ABCC5: variants seen among roughly 807,000 people sequenced by gnomAD.
ABCC5 encodes ATP-binding cassette sub-family C member 5.
Under a neutral mutation model 160.9 loss-of-function variants are expected in ABCC5, and 61 were observed. The ratio of observed to expected loss-of-function variants is 0.38; its 90% CI spans 0.31 to 0.47. The LOEUF (loss-of-function observed/expected upper bound fraction) is 0.47. Ranked by LOEUF, ABCC5 falls within the 20% of genes least tolerant of loss-of-function variation. The pLI is 0.99. For synonymous variants in ABCC5, 666 were observed against 700.6 expected (o/e 0.95, Z 0.78); for missense variants, 1,308 against 1,813.3 (o/e 0.72, Z 5.06).
chr3:183,924,996 G>A (rs1366134498), intron 29 of ABCC5, among the ~76,000 whole-genome samples: 6 of 152,208 alleles, frequency 3.9e-5, no homozygotes, highest in African/African-American at 9.7e-5. Flanking sequence ...ATAGCCAACC[G>A]CACCTGCAAA....
At chr3:184,006,739 T>A (rs555526162) in intron 2 of ABCC5, among the ~76,000 whole-genome samples, 2 of 152,102 alleles carry the variant, frequency 1.3e-5, no homozygotes, top group Non-Finnish European at 2.9e-5. Flanking sequence ...ACATCTTTGA[T>A]CCCTAAGATA....
intron 10 of ABCC5, among the ~76,000 whole-genome samples, chr3:183,972,999 T>C (rs1717900380): frequency 6.6e-6 from 1 of 150,642 alleles, no homozygotes; most frequent in Non-Finnish European, 1.5e-5. Flanking sequence ...TGTAAAACAC[T>C]GATCACAATA....
intron 2 of ABCC5, among the ~76,000 whole-genome samples, chr3:184,002,030 C>G (rs1720783779): frequency 6.6e-6 from 1 of 152,116 alleles, no homozygotes; most frequent in East Asian, 1.9e-4. Context: ...GACTAGGATA[C>G]TCAGCATTTT....
At chr3:183,953,029 A>G in intron 18 of ABCC5, 57 bp downstream of exon 18, 1 of 1,512,212 alleles carries the variant, frequency 6.6e-7, no homozygotes, top group Non-Finnish European at 9.0e-7. Context: ...GCCAGGGAAT[A>G]GGGAGAAACG....
chr3:183,985,586 CT>C (rs1576899987), intron 5 of ABCC5: 1 of 669,990 alleles, frequency 1.5e-6, no homozygotes, highest in East Asian at 2.8e-5. Context: ...GCGGCCTTCT[CT>C]TGCAGATCTA....
At chr3:184,010,598 G>C (rs1451507522) in intron 2 of ABCC5, 1 of 152,798 alleles carries the variant, frequency 6.5e-6, no homozygotes, top group Non-Finnish European at 1.5e-5. Context: ...CCACACACCA[G>C]CTCCACAGCC....
chr3:183,969,753 A>T (rs1451601543), intron 11 of ABCC5, among the ~76,000 whole-genome samples: 1 of 151,744 alleles, frequency 6.6e-6, no homozygotes, highest in African/African-American at 2.4e-5. Flanking sequence ...CCCTTCAATG[A>T]CACTCATAGT....
intron 26 of ABCC5, among the ~76,000 whole-genome samples, chr3:183,933,833 T>C (rs1056673972): frequency 3.3e-5 from 5 of 152,184 alleles, no homozygotes; most frequent in Non-Finnish European, 7.3e-5. Flanking sequence ...AGAATTCCTT[T>C]CAAGTTTTAA....
At chr3:184,010,842 G>A (rs1429949556) in intron 2 of ABCC5, among the ~76,000 whole-genome samples, 1 of 136,442 alleles carries the variant, frequency 7.3e-6, no homozygotes, top group Non-Finnish European at 1.5e-5. Context: ...CTGTTGCCCA[G>A]GCTGGAGTGC....
chr3:183,963,578 C>T lies in ABCC5; in HGVS notation c.2042G>A (p.Arg681Gln), dbSNP rs1716965706. The part of the protein sequence containing the change: ...PSSDLTEIGE[R>Q]GANLSGGQRQ... ...CTGCCCACCGCTCAGGTTGGCTCCT[C>T]GCTCTCCAATCTACAAGAGCCCAGA... The change falls in exon 15 of 30, where the codon CGA becomes CAA. Residue 681 changes from arginine to glutamine, a missense_variant. Arg to Gln is a conservative substitution (Grantham distance 43, BLOSUM62 1). Transcript: ENST00000334444. This position sits in a 1 kb window ranked among gnomAD's most constrained non-coding sequence, Gnocchi z 4.6. 1.4e-5 allele frequency: 22 copies of T among 1,613,736 alleles called. No homozygotes were observed. The highest frequency in any genetic ancestry group is 1.7e-5 in the Non-Finnish European group (20 of 1,180,034).
intron 11 of ABCC5, among the ~76,000 whole-genome samples, chr3:183,968,124 TTTA>T (rs1326583648): frequency 2.0e-5 from 3 of 148,266 alleles, no homozygotes; most frequent in Non-Finnish European, 3.0e-5. Context: ...TAAAAATCAT[TTTA>T]TTATTATTAT....
chr3:184,015,171 A>G (rs903388010), intron 1 of ABCC5, among the ~76,000 whole-genome samples: 20 of 152,212 alleles, frequency 1.3e-4, no homozygotes, highest in African/African-American at 4.6e-4. Flanking sequence ...AGCTGTTAGT[A>G]AAAAACAATA....
At chr3:183,937,190 A>T (rs1430755462) in intron 26 of ABCC5, among the ~76,000 whole-genome samples, 1 of 152,078 alleles carries the variant, frequency 6.6e-6, no homozygotes, top group Non-Finnish European at 1.5e-5. Context: ...CAGCCTGGCC[A>T]ACATGGTGAA....
chr3:183,947,247 C>G lies in ABCC5; in HGVS notation c.3414+77G>C, dbSNP rs753406121. 4.2e-4 allele frequency: 599 copies of G among 1,410,670 alleles called. 1 individual carries two copies. The highest frequency in any genetic ancestry group is 5.4e-4 in the Non-Finnish European group (578 of 1,061,820). 87.4% of individuals were successfully genotyped at this position (1,410,670 alleles called of 1,614,324 possible). On this transcript the variant is annotated intron_variant, in intron 23 of 29. Transcript: ENST00000334444. Reference sequence around the variant, plus strand: ...AATAATGGCTCAGGGTGGAGCCCCCCACAATCATCCCTCTTTTACGTCAGC... The same window carrying G: ...AATAATGGCTCAGGGTGGAGCCCCCGACAATCATCCCTCTTTTACGTCAGC...
At position 183,947,320 on chromosome 3, in the gene ABCC5, T is replaced by A. The variant is rs1414395885; in HGVS notation, c.3414+4A>T. On this transcript the variant is annotated splice_donor_region_variant and intron_variant, in intron 23 of 29. Coordinates refer to ENST00000334444, the MANE Select transcript of ABCC5 (RefSeq NM_005688.4). ...AAGATGACGCTCCTATCCCAGAGAC[T>A]GACCTGGACAGCATAAGAGATGGCG... is the stretch of plus-strand genomic sequence containing the variant. 9 of 1,581,842 alleles carry A rather than the reference T, an allele frequency of 5.7e-6. No individual in the cohort carries two copies. Among genetic ancestry groups the A allele is most frequent in the Non-Finnish European group, 5.2e-6 (6 of 1,159,394 alleles).
intron 8 of ABCC5, among the ~76,000 whole-genome samples, chr3:183,979,143 G>A (rs1210901396): frequency 1.3e-5 from 2 of 152,170 alleles, no homozygotes; most frequent in Non-Finnish European, 2.9e-5. Flanking sequence ...TCAGGTGTTC[G>A]AGACCAGCCT....
chr3:183,985,502 G>A (rs1484721566), intron 5 of ABCC5: 1 of 838,768 alleles, frequency 1.2e-6, no homozygotes, highest in Admixed American at 1.7e-5. Flanking sequence ...ACCTCTCTAA[G>A]GGTTTTACAC....
chr3:183,942,456 C>A, intron 25 of ABCC5: 1 of 616,142 alleles, frequency 1.6e-6, no homozygotes, highest in Non-Finnish European at 3.0e-6. Context: ...GTGCTTCTCT[C>A]TGGGTAGCAG....
intron 25 of ABCC5, among the ~76,000 whole-genome samples, chr3:183,942,174 G>A (rs771318942): frequency 8.6e-5 from 13 of 152,040 alleles, no homozygotes; most frequent in Non-Finnish European, 1.3e-4. Flanking sequence ...CAAGTAGCTG[G>A]GATTACAAGC....
Sources: gnomAD v4.1 joint callset for allele counts (sites outside exome capture counted in the v4.1 genomes callset) on GRCh38, gnomAD v4.1.1 for gene constraint, Gnocchi (gnomAD v3.1) non-coding constraint, MANE v1.5 for transcripts, NCBI Gene and HGNC (gene_info 2026-07-23, HGNC 2026-07-21) for gene names.